MRTFA: variants seen among roughly 807,000 people sequenced by gnomAD.
MRTFA encodes the protein myocardin related transcription factor A.
Under a neutral mutation model 83.5 loss-of-function variants are expected in MRTFA, and 20 were observed. The observed-to-expected ratio is 0.24, with a 90% CI of 0.17 to 0.35. The LOEUF (loss-of-function observed/expected upper bound fraction) is 0.35, where lower values mean the gene tolerates loss of function less well. Ranked by LOEUF, MRTFA falls within the 10% of genes least tolerant of loss-of-function variation. MRTFA has a pLI of 1.00. For missense variants in MRTFA, 1,200 were observed against 1,224.7 expected (o/e 0.98, Z 0.30); for synonymous variants, 659 against 541.2 (o/e 1.22, Z -3.02).
intron 1 of MRTFA, among the ~76,000 whole-genome samples, chr22:40,620,423 CTTTTTTT>C (rs747409456): frequency 1.7e-4 from 16 of 94,180 alleles, no homozygotes; most frequent in African/African-American, 6.6e-4. Flanking sequence ...AACATGCAGT[CTTTTTTT>C]TTTTTTTTTT....
At chr22:40,493,763 T>A (rs1310810591) in intron 3 of MRTFA, among the ~76,000 whole-genome samples, 2 of 152,228 alleles carry the variant, frequency 1.3e-5, no homozygotes, top group Non-Finnish European at 2.9e-5. Flanking sequence ...TTTGGGAGTT[T>A]CTTATAAATT....
intron 3 of MRTFA, among the ~76,000 whole-genome samples, chr22:40,517,378 C>A (rs1398128607): frequency 6.6e-6 from 1 of 152,062 alleles, no homozygotes; most frequent in Admixed American, 6.6e-5. Flanking sequence ...GCAAAGGAAC[C>A]TCGACAAGTT....
chr22:40,618,278 G>A, intron 1 of MRTFA, among the ~76,000 whole-genome samples: 1 of 144,016 alleles, frequency 6.9e-6, no homozygotes, highest in Admixed American at 7.0e-5. Flanking sequence ...TTTTAGTAGA[G>A]ATGGGGTTTC....
At chr22:40,615,560 G>T (rs994623504) in intron 1 of MRTFA, among the ~76,000 whole-genome samples, 2 of 152,134 alleles carry the variant, frequency 1.3e-5, no homozygotes, top group Non-Finnish European at 2.9e-5. Context: ...GGGAAGACTG[G>T]ACAGCTTAAC....
At chr22:40,570,643 T>A (rs2055776602) in intron 2 of MRTFA, among the ~76,000 whole-genome samples, 1 of 138,324 alleles carries the variant, frequency 7.2e-6, no homozygotes, top group Non-Finnish European at 1.5e-5. Context: ...TTCTCCCTCC[T>A]CCTGGCTGGA....
intron 5 of MRTFA, 118 bp downstream of exon 5, chr22:40,435,381 T>A: frequency 1.8e-6 from 2 of 1,094,006 alleles, no homozygotes; most frequent in Non-Finnish European, 2.8e-6. Flanking sequence ...GGCCCTAGAG[T>A]CTAGCAGGCT....
chr22:40,453,667 T>C (rs571272187), intron 4 of MRTFA, among the ~76,000 whole-genome samples: 6 of 152,138 alleles, frequency 3.9e-5, no homozygotes, highest in Non-Finnish European at 7.3e-5. Context: ...ATGTCTTTGA[T>C]AGTGTAACAC....
At chr22:40,434,170 C>A (rs916693555) in intron 5 of MRTFA, among the ~76,000 whole-genome samples, 1 of 152,176 alleles carries the variant, frequency 6.6e-6, no homozygotes, top group Admixed American at 6.5e-5. Flanking sequence ...ATTTGAGAAG[C>A]AGTCAAGTAA....
intron 3 of MRTFA, among the ~76,000 whole-genome samples, chr22:40,517,242 A>T (rs2147251807): frequency 6.6e-6 from 1 of 152,270 alleles, no homozygotes; most frequent in East Asian, 1.9e-4. Context: ...ACATATTCTA[A>T]AAGAAGAAAA....
chr22:40,541,711 G>C (rs1164833741), intron 3 of MRTFA, among the ~76,000 whole-genome samples: 2 of 152,182 alleles, frequency 1.3e-5, no homozygotes, highest in Non-Finnish European at 2.9e-5. Context: ...CTGTTGCCCA[G>C]GCTGGAGTGC....
At chr22:40,452,805 CAAA>C (rs34486531) in intron 4 of MRTFA, among the ~76,000 whole-genome samples, 3 of 62,656 alleles carry the variant, frequency 4.8e-5, no homozygotes, top group Non-Finnish European at 3.1e-5. Flanking sequence ...CACTCCGTCT[CAAA>C]AAAAAAAAAA....
At chr22:40,498,218 T>A (rs2054389462) in intron 3 of MRTFA, among the ~76,000 whole-genome samples, 2 of 144,780 alleles carry the variant, frequency 1.4e-5, no homozygotes, top group African/African-American at 2.5e-5. Flanking sequence ...AATGTCAGCA[T>A]GCTTCTATTT....
chr22:40,578,902 G>A (rs555888337), intron 2 of MRTFA, among the ~76,000 whole-genome samples: 2 of 152,096 alleles, frequency 1.3e-5, no homozygotes, highest in African/African-American at 4.8e-5. Context: ...CAGTCTGGGT[G>A]AGAGTGAGAC....
At chr22:40,600,258 C>T (rs888019308) in intron 1 of MRTFA, among the ~76,000 whole-genome samples, 1 of 152,052 alleles carries the variant, frequency 6.6e-6, no homozygotes, top group Non-Finnish European at 1.5e-5. Flanking sequence ...GGCAGAAATG[C>T]GAATCCATGC....
chr22:40,519,367 T>A (rs2054820413), intron 3 of MRTFA: 5 of 1,248,524 alleles, frequency 4.0e-6, no homozygotes, highest in Non-Finnish European at 5.4e-6. Flanking sequence ...TTCTCAAACC[T>A]TGGAGGGTTT....
intron 14 of MRTFA, chr22:40,412,458 G>C (rs1235237175): frequency 6.6e-6 from 1 of 152,242 alleles, no homozygotes; most frequent in Admixed American, 6.5e-5. Flanking sequence ...ATTACCATAT[G>C]ATCTAGCAAT....
At chr22:40,441,773 C>A (rs1054889650) in intron 4 of MRTFA, among the ~76,000 whole-genome samples, 1 of 150,866 alleles carries the variant, frequency 6.6e-6, no homozygotes, top group African/African-American at 2.4e-5. Context: ...GGTGACAGAG[C>A]AAGACTCCAT....
intron 3 of MRTFA, among the ~76,000 whole-genome samples, chr22:40,528,894 T>A (rs569507978): frequency 1.3e-5 from 2 of 152,304 alleles, no homozygotes; most frequent in East Asian, 1.9e-4. Context: ...TGCAATTTTT[T>A]AAAAGCTCAT....
intron 1 of MRTFA, among the ~76,000 whole-genome samples, chr22:40,612,735 G>T (rs753860469): frequency 6.6e-6 from 1 of 152,160 alleles, no homozygotes; most frequent in African/African-American, 2.4e-5. Context: ...ATCACTTGAG[G>T]CTAGGAGTTT....
Sources: allele counts gnomAD v4.1 joint callset (sites outside exome capture counted in the v4.1 genomes callset), GRCh38; gene constraint gnomAD v4.1.1; transcripts MANE v1.5; gene names NCBI Gene and HGNC (gene_info 2026-07-23, HGNC 2026-07-21).